ROBO2: variants seen among roughly 807,000 people sequenced by gnomAD.
The protein encoded by ROBO2 is roundabout guidance receptor 2.
In ROBO2, 53 loss-of-function variants were observed where a neutral mutation model predicts 160.8. The observed-to-expected ratio is 0.33, with a 90% confidence interval of 0.26 to 0.41. The LOEUF (loss-of-function observed/expected upper bound fraction) is 0.41, where lower values mean the gene tolerates loss of function less well. Ranked by LOEUF, ROBO2 falls within the 10% of genes least tolerant of loss-of-function variation. The pLI, the probability that ROBO2 is intolerant of heterozygous loss-of-function variation, is 1.00. For missense variants in ROBO2, 1,577 were observed against 1,722.4 expected, an observed-to-expected ratio of 0.92 and a Z score of 1.49; for synonymous variants, 664 against 611.7, an observed-to-expected ratio of 1.09 and a Z score of -1.26.
At chr3:77,034,118 G>T (rs993498650) in intron 2 of ROBO2, among the ~76,000 whole-genome samples, 2 of 151,632 alleles carry the variant, frequency 1.3e-5, no homozygotes, top group South Asian at 4.1e-4. Context: ...CTAAGTGAAA[G>T]ACTAAACAGT....
chr3:76,139,624 G>A (rs2071556020), intron 2 of ROBO2, among the ~76,000 whole-genome samples: 1 of 152,042 alleles, frequency 6.6e-6, no homozygotes, highest in Non-Finnish European at 1.5e-5. Context: ...TTAAGGCAGG[G>A]TGATGACCTC....
chr3:77,486,066 A>T (rs1231512013), intron 4 of ROBO2, among the ~76,000 whole-genome samples: 1 of 152,214 alleles, frequency 6.6e-6, no homozygotes, highest in Non-Finnish European at 1.5e-5. Context: ...TTTGCTAAGG[A>T]TAATGGCTTC....
At chr3:77,523,131 T>G (rs549627075) in intron 6 of ROBO2, among the ~76,000 whole-genome samples, 114 of 151,430 alleles carry the variant, frequency 7.5e-4, no homozygotes, top group African/African-American at 2.7e-3. Context: ...GCTTATATGG[T>G]TTAACGTTAA....
At chr3:76,699,932 CACAG>C (rs1319364059) in intron 2 of ROBO2, among the ~76,000 whole-genome samples, 2 of 152,058 alleles carry the variant, frequency 1.3e-5, no homozygotes, top group African/African-American at 4.8e-5. Flanking sequence ...CCTGTTGAGG[CACAG>C]AGCATGGTAA....
chr3:76,323,176 C>CACACACACACACACACACA (rs1559763162), intron 2 of ROBO2, among the ~76,000 whole-genome samples: 3 of 143,878 alleles, frequency 2.1e-5, no homozygotes, highest in East Asian at 2.0e-4. Flanking sequence ...CACACACACA[C>CACACACACACACACACACA]CCCTAAAGGC....
intron 2 of ROBO2, among the ~76,000 whole-genome samples, chr3:76,425,781 T>G (rs1224343591): frequency 6.6e-6 from 1 of 151,568 alleles, no homozygotes; most frequent in Non-Finnish European, 1.5e-5. Context: ...AGAACAAAGT[T>G]TCCCTCACGT....
chr3:76,241,250 G>A (rs1705265732), intron 2 of ROBO2, among the ~76,000 whole-genome samples: 1 of 152,056 alleles, frequency 6.6e-6, no homozygotes, highest in Admixed American at 6.6e-5. Context: ...TGGCTTCCCG[G>A]GATCTTAAGG....
At position 77,270,383 on chromosome 3, in the gene ROBO2, C is replaced by T. The variant is rs191664807; in HGVS notation, c.388+172043C>T. On this transcript the variant is annotated intron_variant, in intron 2 of 25. Coordinates refer to ENST00000461745, the Ensembl canonical transcript of ROBO2. ...CATTCAGAAACATTCAATTATAATT[C>T]GCCTCTTAAAGTCATATAACTATCT... is the stretch of plus-strand genomic sequence containing the variant. Among the ~76,000 whole-genome samples the T allele has an allele frequency of 2.1e-3, 313 of 152,164 alleles. 2 individuals are homozygous for T. Among genetic ancestry groups the T allele is most frequent in the South Asian group, 0.011 (54 of 4,822 alleles).
At chr3:76,823,789 A>G (rs2066327640) in intron 2 of ROBO2, among the ~76,000 whole-genome samples, 1 of 152,120 alleles carries the variant, frequency 6.6e-6, no homozygotes, top group African/African-American at 2.4e-5. Flanking sequence ...GAGATAACGG[A>G]ATAATATTTT....
At chr3:76,809,521 T>TGCTTG (rs970671532) in intron 2 of ROBO2, among the ~76,000 whole-genome samples, 3 of 152,128 alleles carry the variant, frequency 2.0e-5, no homozygotes, top group Non-Finnish European at 4.4e-5. Flanking sequence ...AAATTTCCCT[T>TGCTTG]GATTGGATCA....
intron 2 of ROBO2, among the ~76,000 whole-genome samples, chr3:76,994,093 TTTTTTTTTTG>T (rs1470574127): frequency 1.6e-3 from 160 of 101,220 alleles, no homozygotes; most frequent in African/African-American, 6.7e-3. Context: ...TTTTTTTGTT[TTTTTTTTTTG>T]TTGTTTTAAA....
chr3:76,786,195 A>C (rs2062960759), intron 2 of ROBO2, among the ~76,000 whole-genome samples: 1 of 151,326 alleles, frequency 6.6e-6, no homozygotes, highest in African/African-American at 2.4e-5. Context: ...TCTGATCCAT[A>C]TAAACATAAT....
chr3:77,156,817 A>T (rs2078054726), intron 2 of ROBO2, among the ~76,000 whole-genome samples: 2 of 151,300 alleles, frequency 1.3e-5, no homozygotes, highest in Admixed American at 1.3e-4. Context: ...TGTATAAAAA[A>T]TAGAATTAAG....
intron 2 of ROBO2, among the ~76,000 whole-genome samples, chr3:76,666,811 A>G (rs1195061925): frequency 6.6e-6 from 1 of 152,170 alleles, no homozygotes; most frequent in East Asian, 1.9e-4. Context: ...GTTATTGATT[A>G]CATTTATTTT....
At chr3:76,563,687 T>C (rs2084338631) in intron 2 of ROBO2, among the ~76,000 whole-genome samples, 1 of 152,192 alleles carries the variant, frequency 6.6e-6, no homozygotes, top group African/African-American at 2.4e-5. Flanking sequence ...TGACTGTAGA[T>C]TAACTTAAAC....
In ROBO2 at chr3:76,059,494, GTTGT is replaced by G. The variant is rs201991446; in HGVS notation, c.109+121899_109+121902del. Among the ~76,000 whole-genome samples the G allele has an allele frequency of 7.0e-3, 1,067 of 152,238 alleles. 63 individuals are homozygous for G. In the East Asian group the frequency reaches 0.15, roughly 22 times the overall value. On this transcript the variant is annotated intron_variant, in intron 2 of 26. Transcript: ENST00000487694. Reference sequence around the variant, plus strand: ...TATACTTTGCCCACTTTTTGTTGGGGTTGTTTGTTTTTTTCTTGTAAATTTTTTG... The same window carrying G: ...TATACTTTGCCCACTTTTTGTTGGGGTTGTTTTTTTCTTGTAAATTTTTTG...
chr3:76,863,153 G>A (rs1288075733), intron 2 of ROBO2, among the ~76,000 whole-genome samples: 2 of 152,074 alleles, frequency 1.3e-5, no homozygotes, highest in African/African-American at 4.8e-5. Context: ...AAGAGTCTGT[G>A]ACTTGTCTTC....
At chr3:76,866,384 T>A (rs1015496171) in intron 2 of ROBO2, among the ~76,000 whole-genome samples, 3 of 152,178 alleles carry the variant, frequency 2.0e-5, no homozygotes, top group African/African-American at 7.2e-5. Flanking sequence ...CATTAATCCT[T>A]CATCTATTTG....
intron 2 of ROBO2, among the ~76,000 whole-genome samples, chr3:76,174,502 A>G (rs1048258002): frequency 1.3e-5 from 2 of 152,078 alleles, no homozygotes; most frequent in Non-Finnish European, 2.9e-5. Context: ...TTTAGGTTTT[A>G]TGTTTAAGTA....
Sources: gnomAD v4.1 joint callset for allele counts (sites outside exome capture counted in the v4.1 genomes callset) on GRCh38, gnomAD v4.1.1 for gene constraint, MANE v1.5 for transcripts, NCBI Gene and HGNC (gene_info 2026-07-23, HGNC 2026-07-21) for gene names.